CRPPA: variants seen among roughly 807,000 people sequenced by gnomAD.
CRPPA encodes D-ribitol-5-phosphate cytidylyltransferase.
CRPPA carries 43 observed loss-of-function variants against 52.0 expected under a neutral mutation model. That is an observed-to-expected ratio of 0.83 (90% CI 0.65 to 1.07). The LOEUF (loss-of-function observed/expected upper bound fraction) is 1.07. CRPPA is among the 50% of genes least tolerant of loss of function. The pLI, the probability that CRPPA is intolerant of heterozygous loss-of-function variation, is 0.00. For synonymous variants in CRPPA, 250 were observed against 203.5 expected (o/e 1.23, Z -1.94); for missense variants, 629 against 551.7 (o/e 1.14, Z -1.40).
chr7:16,255,815 C>A (rs1783623145), intron 8 of CRPPA, among the ~76,000 whole-genome samples: 1 of 152,022 alleles, frequency 6.6e-6, no homozygotes, highest in South Asian at 2.1e-4. Context: ...AAGACTTAAA[C>A]ATAAGACCTA....
chr7:16,269,373 TA>T (rs1784034525), intron 6 of CRPPA: 1 of 151,240 alleles, frequency 6.6e-6, no homozygotes, highest in Admixed American at 6.6e-5. Context: ...AATTGACAAA[TA>T]GAGAAGGCAT....
chr7:16,398,229 TG>T (rs1787669354), intron 2 of CRPPA, among the ~76,000 whole-genome samples: 3 of 43,412 alleles, frequency 6.9e-5, no homozygotes, highest in African/African-American at 5.5e-4. Context: ...TGTAATAACG[TG>T]ACTGACACGT....
chr7:16,271,004 GA>G (rs555195279), intron 6 of CRPPA, among the ~76,000 whole-genome samples: 37 of 146,226 alleles, frequency 2.5e-4, no homozygotes, highest in Middle Eastern at 3.5e-3. Flanking sequence ...GGGCATAAGG[GA>G]AAAAAAAAAG....
At chr7:16,176,958 A>C (rs1781312475) in intron 9 of CRPPA, among the ~76,000 whole-genome samples, 1 of 152,190 alleles carries the variant, frequency 6.6e-6, no homozygotes, top group Non-Finnish European at 1.5e-5. Flanking sequence ...CCATAAGAAT[A>C]CTATTCAGCA....
intron 6 of CRPPA, among the ~76,000 whole-genome samples, chr7:16,273,603 C>T (rs928595646): frequency 2.6e-5 from 4 of 152,056 alleles, no homozygotes; most frequent in African/African-American, 9.7e-5. Flanking sequence ...GTAAATCCTC[C>T]ACATTCACCA....
chr7:16,162,706 A>G (rs2128382444), intron 9 of CRPPA, among the ~76,000 whole-genome samples: 1 of 152,192 alleles, frequency 6.6e-6, no homozygotes, highest in South Asian at 2.1e-4. Context: ...CTTTGTCCAG[A>G]GCTGAGTTTA....
chr7:16,169,611 A>T (rs1250385192), intron 9 of CRPPA, among the ~76,000 whole-genome samples: 2 of 152,370 alleles, frequency 1.3e-5, no homozygotes, highest in African/African-American at 4.8e-5. Context: ...AAATATATGC[A>T]TTTAATGAGA....
chr7:16,297,360 T>A (rs1248550976), intron 5 of CRPPA, among the ~76,000 whole-genome samples: 1 of 152,106 alleles, frequency 6.6e-6, no homozygotes, highest in Non-Finnish European at 1.5e-5. Context: ...TTCTATGTTT[T>A]AAAAGGAAAA....
chr7:16,302,467 T>C (rs963103941), intron 4 of CRPPA, among the ~76,000 whole-genome samples: 24 of 152,138 alleles, frequency 1.6e-4, no homozygotes, highest in African/African-American at 5.8e-4. Flanking sequence ...CAGAATTAAT[T>C]CTATATCACA....
chr7:16,416,578 T>C (rs1788198685), intron 1 of CRPPA, among the ~76,000 whole-genome samples: 1 of 152,000 alleles, frequency 6.6e-6, no homozygotes, highest in Non-Finnish European at 1.5e-5. Flanking sequence ...CTCACACTTG[T>C]AATGCCAGCA....
intron 2 of CRPPA, among the ~76,000 whole-genome samples, chr7:16,405,228 C>G (rs1332449923): frequency 6.6e-6 from 1 of 152,028 alleles, no homozygotes; most frequent in Non-Finnish European, 1.5e-5. Context: ...CCTTTAAGCA[C>G]TTATTATTAA....
chr7:16,233,036 A>G (rs1918264), intron 8 of CRPPA, among the ~76,000 whole-genome samples: 108,884 of 151,948 alleles, frequency 0.72, 39,216 homozygotes, highest in Admixed American at 0.81. Context: ...GAAAACTAAA[A>G]CATGTGATAT....
intron 9 of CRPPA, chr7:16,209,164 G>C (rs1050510686): frequency 2.3e-5 from 8 of 346,976 alleles, no homozygotes; most frequent in Non-Finnish European, 4.5e-5. Flanking sequence ...AGTGCATTAA[G>C]CCCAGACCAA....
intron 2 of CRPPA, among the ~76,000 whole-genome samples, chr7:16,381,805 G>T (rs1787097886): frequency 6.6e-6 from 1 of 151,810 alleles, no homozygotes; most frequent in South Asian, 2.1e-4. Context: ...CAGAGACTAG[G>T]ATTGCAACCC....
At chr7:16,383,259 C>G (rs1787161416) in intron 2 of CRPPA, among the ~76,000 whole-genome samples, 3 of 152,086 alleles carry the variant, frequency 2.0e-5, no homozygotes, top group Non-Finnish European at 4.4e-5. Context: ...GAGGTCCACT[C>G]TAGACCCTGT....
chr7:16,158,395 TAAATTTCTAATG>T (rs1023802715), intron 9 of CRPPA, among the ~76,000 whole-genome samples: 72 of 152,276 alleles, frequency 4.7e-4, no homozygotes, highest in African/African-American at 1.2e-3. Flanking sequence ...TATTTATGAA[TAAATTTCTAATG>T]AAATTTCTAA....
At chr7:16,241,931 A>T (rs1783119110) in intron 8 of CRPPA, among the ~76,000 whole-genome samples, 1 of 142,956 alleles carries the variant, frequency 7.0e-6, no homozygotes. Context: ...TGTTTAATGT[A>T]GTTAAAAATC....
chr7:16,278,245 AGTTTTAAGTTTCAAAC>A lies in CRPPA; in HGVS notation c.836-35_836-20del. 3.1e-6 allele frequency: 4 copies of A among 1,284,422 alleles called. No homozygotes were observed. The highest frequency in any genetic ancestry group is 4.4e-6 in the Non-Finnish European group (4 of 918,312). 79.6% of individuals were successfully genotyped at this position (1,284,422 alleles called of 1,614,324 possible). ...ATTCTCTCTGAAATTAAAAAAAAAAAGTTTTAAGTTTCAAACAAAACATGTAACAAGGCCCTAGGAT... is the reference window on the plus strand; with the variant it reads ...ATTCTCTCTGAAATTAAAAAAAAAAAAAAACATGTAACAAGGCCCTAGGAT... On this transcript the variant is annotated intron_variant, in intron 5 of 9. Coordinates refer to ENST00000407010, the MANE Select transcript of CRPPA (RefSeq NM_001101426.4).
chr7:16,101,918 G>A (rs1782053799), intron 9 of CRPPA, among the ~76,000 whole-genome samples: 1 of 151,978 alleles, frequency 6.6e-6, no homozygotes, highest in African/African-American at 2.4e-5. Flanking sequence ...TCCCCCTCAA[G>A]CTACCATTGA....
Sources: gnomAD v4.1 joint callset for allele counts (sites outside exome capture counted in the v4.1 genomes callset) on GRCh38, gnomAD v4.1.1 for gene constraint, MANE v1.5 for transcripts, NCBI Gene and HGNC (gene_info 2026-07-23, HGNC 2026-07-21) for gene names.